Variants in BMPR1A observed in about 807,000 individuals in gnomAD.
BMPR1A encodes bone morphogenetic protein receptor type 1A.
Under a neutral mutation model 66.0 loss-of-function variants are expected in BMPR1A, and 7 were observed. The ratio of observed to expected loss-of-function variants is 0.11; its 90% confidence interval spans 0.06 to 0.20. The LOEUF (loss-of-function observed/expected upper bound fraction) is 0.20, where lower values mean the gene tolerates loss of function less well. BMPR1A is among the 10% of genes least tolerant of loss of function. The pLI is 1.00. For missense variants in BMPR1A, 408 were observed against 669.1 expected, an observed-to-expected ratio of 0.61 and a Z score of 4.31; for synonymous variants, 200 against 229.7, an observed-to-expected ratio of 0.87 and a Z score of 1.17.
At chr10:86,875,731 G>C (rs1842912366) in intron 2 of BMPR1A, 136 bp from the exon 3 acceptor site, 1 of 433,924 alleles carries the variant, frequency 2.3e-6, no homozygotes. Flanking sequence ...AAAAAAAAAA[G>C]CAAGGATACC....
intron 2 of BMPR1A, among the ~76,000 whole-genome samples, chr10:86,857,703 C>T (rs978425038): frequency 2.7e-5 from 4 of 146,032 alleles, no homozygotes; most frequent in Non-Finnish European, 3.0e-5. Flanking sequence ...CCCATAGGCT[C>T]GAGTATCCTC....
intron 2 of BMPR1A, among the ~76,000 whole-genome samples, chr10:86,860,318 AC>A (rs1479422548): frequency 6.6e-6 from 1 of 152,224 alleles, no homozygotes; most frequent in Non-Finnish European, 1.5e-5. Flanking sequence ...ATATATAAAA[AC>A]AGTAAAGTTT....
In BMPR1A at chr10:86,923,669, A is replaced by G. The variant is rs754607465; in HGVS notation, c.1549A>G (p.Ile517Val). 1.2e-5 allele frequency: 19 copies of G among 1,614,244 alleles called. No homozygotes were observed. The highest frequency in any genetic ancestry group is 1.6e-5 in the Non-Finnish European group (19 of 1,180,036). The change falls in exon 13 of 13, where the codon ATT (isoleucine) becomes GTT (valine). Residue 517 changes from isoleucine to valine, a missense_variant. This residue lies in a region of BMPR1A where 130 missense variants were observed against 257.3 expected (regional missense o/e 0.51). Coordinates refer to ENST00000372037, the MANE Select transcript of BMPR1A (RefSeq NM_004329.3). ...AGCCTCCAGACTCACAGCATTGAGAATTAAGAAGACGCTTGCCAAGATGGT... is the reference window on the plus strand; with the variant it reads ...AGCCTCCAGACTCACAGCATTGAGAGTTAAGAAGACGCTTGCCAAGATGGT... ...NPASRLTALR[I>V]KKTLAKMVES...
intron 1 of BMPR1A, among the ~76,000 whole-genome samples, chr10:86,824,973 A>G (rs1842172375): frequency 6.6e-6 from 1 of 152,220 alleles, no homozygotes; most frequent in African/African-American, 2.4e-5. Flanking sequence ...TCATTAGGAA[A>G]TAAATCTATT....
intron 2 of BMPR1A, among the ~76,000 whole-genome samples, chr10:86,873,520 A>T (rs759768758): frequency 1.1e-4 from 16 of 152,028 alleles, no homozygotes; most frequent in Non-Finnish European, 1.5e-4. Flanking sequence ...AGACCTAGCA[A>T]GGGAGGCAGG....
chr10:86,844,812 T>C (rs147819275), intron 2 of BMPR1A, among the ~76,000 whole-genome samples: 8,507 of 152,306 alleles, frequency 0.056, 390 homozygotes, highest in Non-Finnish European at 0.079. Flanking sequence ...GTTTCACTCT[T>C]GTTGCCCAGG....
intron 1 of BMPR1A, among the ~76,000 whole-genome samples, chr10:86,818,851 C>G (rs1021350018): frequency 1.3e-5 from 2 of 152,146 alleles, no homozygotes; most frequent in Non-Finnish European, 1.5e-5. Context: ...AAGACAGACA[C>G]TGAAATAGGA....
intron 1 of BMPR1A, among the ~76,000 whole-genome samples, chr10:86,775,872 A>G (rs1177123952): frequency 4.6e-5 from 7 of 152,102 alleles, no homozygotes; most frequent in African/African-American, 1.4e-4. Flanking sequence ...GGCATCATGC[A>G]TTGTGCATTG....
chr10:86,770,724 C>A (rs3858284), intron 1 of BMPR1A, among the ~76,000 whole-genome samples: 77,435 of 152,030 alleles, frequency 0.51, 20,742 homozygotes, highest in East Asian at 0.71. Flanking sequence ...TGAAGATTAA[C>A]GTTTTAAACT....
chr10:86,793,329 A>C (rs571797333), intron 1 of BMPR1A, among the ~76,000 whole-genome samples: 1 of 151,274 alleles, frequency 6.6e-6, no homozygotes, highest in Non-Finnish European at 1.5e-5. Flanking sequence ...TCTGTACTGG[A>C]GACAGGATTT....
At chr10:86,902,149 C>G (rs921551841) in intron 7 of BMPR1A, among the ~76,000 whole-genome samples, 1 of 152,122 alleles carries the variant, frequency 6.6e-6, no homozygotes, top group Non-Finnish European at 1.5e-5. Flanking sequence ...CGTGAGCCAC[C>G]GCACCTGGCC....
intron 1 of BMPR1A, among the ~76,000 whole-genome samples, chr10:86,787,924 C>G (rs1184578443): frequency 6.6e-6 from 1 of 151,964 alleles, no homozygotes; most frequent in Non-Finnish European, 1.5e-5. Context: ...GGCCCCACCT[C>G]TAACACTCAG....
At chr10:86,756,474 C>G (rs1019949685), upstream of BMPR1A, 13 of 150,934 alleles carry the variant, frequency 8.6e-5, no homozygotes, top group African/African-American at 2.9e-4. Context: ...CTTTTCGTGT[C>G]CGGGGCGGGG....
intron 1 of BMPR1A, among the ~76,000 whole-genome samples, chr10:86,824,964 C>G (rs905706687): frequency 6.6e-6 from 1 of 151,830 alleles, no homozygotes; most frequent in South Asian, 2.1e-4. Context: ...GAGTATGCAT[C>G]ATTAGGAAAT....
intron 2 of BMPR1A, among the ~76,000 whole-genome samples, chr10:86,842,582 A>C (rs1442805300): frequency 6.6e-6 from 1 of 152,168 alleles, no homozygotes; most frequent in African/African-American, 2.4e-5. Flanking sequence ...GTCATTGAAA[A>C]ATTTTAACAT....
rs898559663 is a variant in BMPR1A, at chr10:86,757,876, G to GA, written c.-268+965dup. ...CGTATTCTGGCAAACGAATTAGGAA[G>GA]AAAAAAAACCAAAACTGTTTGCAAA... is the stretch of plus-strand genomic sequence containing the variant. On this transcript the variant is annotated intron_variant, in intron 1 of 12. Transcript: ENST00000372037. Among the ~76,000 whole-genome samples the GA allele has an allele frequency of 5.3e-5, 8 of 151,846 alleles. No homozygotes were observed. The South Asian group carries it at 8.3e-4, about 16-fold the overall frequency.
At chr10:86,802,752 G>A (rs938782998) in intron 1 of BMPR1A, among the ~76,000 whole-genome samples, 2 of 151,796 alleles carry the variant, frequency 1.3e-5, no homozygotes, top group Admixed American at 6.6e-5. Flanking sequence ...GAAGTTAGCT[G>A]AATTTTAGAT....
chr10:86,759,698 G>A (rs907687721), intron 1 of BMPR1A, among the ~76,000 whole-genome samples: 1 of 152,012 alleles, frequency 6.6e-6, no homozygotes, highest in African/African-American at 2.4e-5. Context: ...AAACGAGTTG[G>A]GCAGCTTTCC....
intron 2 of BMPR1A, among the ~76,000 whole-genome samples, chr10:86,857,655 G>A (rs937483317): frequency 6.6e-6 from 1 of 151,282 alleles, no homozygotes; most frequent in African/African-American, 2.4e-5. Flanking sequence ...TCACATGGTG[G>A]TTGGCAGGAG....
Sources: allele counts gnomAD v4.1 joint callset (sites outside exome capture counted in the v4.1 genomes callset), GRCh38; gene constraint gnomAD v4.1.1; regional missense constraint gnomAD v4.1.1; transcripts MANE v1.5; gene names NCBI Gene and HGNC (gene_info 2026-07-23, HGNC 2026-07-21).